Variants in RNF220 observed in about 807,000 individuals in gnomAD.
RNF220 encodes the protein ring finger protein 220, also known as E3 ubiquitin-protein ligase RNF220.
Under a neutral mutation model 67.1 loss-of-function variants are expected in RNF220, and 7 were observed. The observed-to-expected ratio is 0.10, with a 90% CI of 0.06 to 0.20. The LOEUF (loss-of-function observed/expected upper bound fraction) is 0.20. Ranked by LOEUF, RNF220 falls within the 10% of genes least tolerant of loss-of-function variation. RNF220 has a pLI of 1.00. For synonymous variants in RNF220, 270 were observed against 283.2 expected (o/e 0.95, Z 0.47); for missense variants, 565 against 740.3 (o/e 0.76, Z 2.75).
At chr1:44,555,711 A>G (rs272574) in intron 2 of RNF220, among the ~76,000 whole-genome samples, 103,062 of 148,884 alleles carry the variant, frequency 0.69, 36,482 homozygotes, top group African/African-American at 0.76. Context: ...TCCTGACCTC[A>G]TGATTCGCCT....
chr1:44,412,593 G>A lies in RNF220; in HGVS notation c.496G>A (p.Gly166Arg), dbSNP rs772290593. ...SDADGKEYDF[G>R]TQLPSSSPGS... ...TGCAGATGGCAAGGAATATGACTTT[G>A]GGACACAGCTGCCATCTAGCTCCCC... The change falls in exon 2 of 15, where the codon GGG (glycine) becomes AGG (arginine). Residue 166 changes from glycine (G) to arginine (R), a missense_variant. By Grantham distance (125) the Gly-to-Arg change is moderately radical (BLOSUM62 -2). Transcript: ENST00000361799. The surrounding 1 kb of genome is among the most constrained non-coding windows in gnomAD (Gnocchi z 5.3). 6.2e-7 allele frequency: 1 copy of A among 1,614,192 alleles called. No homozygotes were observed. The highest frequency in any genetic ancestry group is 1.1e-5 in the South Asian group (1 of 91,072).
At chr1:44,605,296 C>CAAAAAA (rs1553120199) in intron 2 of RNF220, among the ~76,000 whole-genome samples, 1 of 52,072 alleles carries the variant, frequency 1.9e-5, no homozygotes, top group African/African-American at 7.4e-5. Context: ...GACTCCGTCT[C>CAAAAAA]AAAAAAAAAA....
At chr1:44,454,192 A>G (rs1171814509) in intron 2 of RNF220, among the ~76,000 whole-genome samples, 1 of 152,210 alleles carries the variant, frequency 6.6e-6, no homozygotes, top group East Asian at 1.9e-4. Flanking sequence ...TATGTACTAA[A>G]ATAAGTAACT....
At chr1:44,450,554 A>G (rs1320598546) in intron 2 of RNF220, among the ~76,000 whole-genome samples, 1 of 152,232 alleles carries the variant, frequency 6.6e-6, no homozygotes, top group Non-Finnish European at 1.5e-5. Context: ...TAGTTTTTAT[A>G]CAAATGGGAT....
intron 2 of RNF220, among the ~76,000 whole-genome samples, chr1:44,529,993 G>A (rs567753438): frequency 6.6e-6 from 1 of 151,936 alleles, no homozygotes; most frequent in Non-Finnish European, 1.5e-5. Flanking sequence ...GGTGGAGGTT[G>A]CAGTAAGCCA....
chr1:44,495,363 G>C (rs1367161447), intron 2 of RNF220, among the ~76,000 whole-genome samples: 1 of 152,188 alleles, frequency 6.6e-6, no homozygotes, highest in East Asian at 1.9e-4. Flanking sequence ...ATTCAGTAGT[G>C]CTAGGCACGA....
At chr1:44,564,704 A>G (rs1349236211) in intron 2 of RNF220, among the ~76,000 whole-genome samples, 1 of 148,822 alleles carries the variant, frequency 6.7e-6, no homozygotes, top group East Asian at 2.0e-4. Context: ...GTGAGCAGAG[A>G]TGGCACCATT....
rs1644759159 is a variant in RNF220, at chr1:44,650,367, G to A, written c.1630-337G>A. On this transcript the variant is annotated intron_variant, in intron 14 of 14. Coordinates refer to ENST00000361799, the MANE Select transcript of RNF220 (RefSeq NM_018150.4). The surrounding 1 kb of genome is among the most constrained non-coding windows in gnomAD (Gnocchi z 4.3). ...GGAGCAGCCATTAAAATGTCGCCCGGAGACAGTAATAAAAGGCTCGGACGT... is the reference window on the plus strand; with the variant it reads ...GGAGCAGCCATTAAAATGTCGCCCGAAGACAGTAATAAAAGGCTCGGACGT... 6.4e-6 allele frequency: 3 copies of A among 471,924 alleles called. No homozygotes were observed. The highest frequency in any genetic ancestry group is 1.2e-5 in the Non-Finnish European group (3 of 258,790). The allele number at this position is 471,924 out of a possible 1,614,324, so 29.2% of individuals were successfully genotyped here.
chr1:44,550,246 AG>A (rs1471325773), intron 2 of RNF220, among the ~76,000 whole-genome samples: 2 of 152,230 alleles, frequency 1.3e-5, no homozygotes, highest in African/African-American at 4.8e-5. Context: ...TGGGCCAAGA[AG>A]GCTCGAGAAG....
intron 2 of RNF220, among the ~76,000 whole-genome samples, chr1:44,584,781 C>A (rs1301897972): frequency 2.0e-5 from 3 of 152,260 alleles, no homozygotes; most frequent in African/African-American, 7.2e-5. Flanking sequence ...TCGCTGCAAC[C>A]TCTGCCTCCC....
chr1:44,423,498 A>T (rs1264099866), intron 2 of RNF220, among the ~76,000 whole-genome samples: 1 of 152,214 alleles, frequency 6.6e-6, no homozygotes, highest in Non-Finnish European at 1.5e-5. Context: ...AAGATATGTC[A>T]CTAGAAAATG....
intron 2 of RNF220, among the ~76,000 whole-genome samples, chr1:44,609,794 C>G (rs1165085879): frequency 6.6e-6 from 1 of 152,268 alleles, no homozygotes; most frequent in Non-Finnish European, 1.5e-5. Flanking sequence ...CCATCAGTCA[C>G]TCCCTGTTGG....
intron 2 of RNF220, among the ~76,000 whole-genome samples, chr1:44,598,491 C>T (rs550110741): frequency 3.3e-5 from 5 of 152,268 alleles, no homozygotes; most frequent in South Asian, 2.1e-4. Context: ...AAATCCCACA[C>T]GCCGGTAATT....
chr1:44,573,586 A>T (rs2148325318), intron 2 of RNF220, among the ~76,000 whole-genome samples: 1 of 152,346 alleles, frequency 6.6e-6, no homozygotes, highest in East Asian at 1.9e-4. Flanking sequence ...CATGAGTTTA[A>T]TGAGTTTACA....
intron 2 of RNF220, among the ~76,000 whole-genome samples, chr1:44,611,066 G>T (rs756475114): frequency 6.6e-6 from 1 of 152,180 alleles, no homozygotes; most frequent in Non-Finnish European, 1.5e-5. Context: ...TAAAACCCAC[G>T]TCATGACCAC....
rs375125084 is a variant in RNF220, at chr1:44,598,700, T to A, written c.626-15465T>A. 4.6e-5 allele frequency among the ~76,000 whole-genome samples: 7 copies of A among 152,172 alleles called. No homozygotes were observed. The East Asian group carries it at 7.7e-4, about 17-fold the overall frequency. On this transcript the variant is annotated intron_variant, in intron 2 of 14. Coordinates refer to ENST00000361799, the MANE Select transcript of RNF220 (RefSeq NM_018150.4). Reference sequence around the variant, plus strand: ...GCATGTCTGTCAGTGTTTCTAGGCATGGGATTTTGCTGTCTGGTTATGTTC... The same window carrying A: ...GCATGTCTGTCAGTGTTTCTAGGCAAGGGATTTTGCTGTCTGGTTATGTTC...
intron 2 of RNF220, among the ~76,000 whole-genome samples, chr1:44,518,624 C>T (rs1224421146): frequency 3.3e-5 from 5 of 152,118 alleles, no homozygotes; most frequent in Admixed American, 2.6e-4. Flanking sequence ...CACCTGTAAT[C>T]CCAGCACTTT....
chr1:44,541,822 T>C (rs545388649), intron 2 of RNF220, among the ~76,000 whole-genome samples: 23 of 152,350 alleles, frequency 1.5e-4, no homozygotes, highest in Non-Finnish European at 1.9e-4. Context: ...CACCTTGCTC[T>C]GAAACATTGC....
At chr1:44,520,367 G>A (rs1158370684) in intron 2 of RNF220, among the ~76,000 whole-genome samples, 3 of 152,162 alleles carry the variant, frequency 2.0e-5, no homozygotes, top group Non-Finnish European at 2.9e-5. Context: ...TTGGGAGGCT[G>A]AGGCAGGAGA....
Sources: gnomAD v4.1 joint callset for allele counts (sites outside exome capture counted in the v4.1 genomes callset) on GRCh38, gnomAD v4.1.1 for gene constraint, Gnocchi (gnomAD v3.1) non-coding constraint, MANE v1.5 for transcripts, NCBI Gene and HGNC (gene_info 2026-07-23, HGNC 2026-07-21) for gene names.